The following SOX9 variants were observed in gnomAD, a reference collection of about 807,000 sequenced individuals.
SOX9 encodes the protein SRY-box transcription factor 9.
In SOX9, 2 loss-of-function variants were observed where a neutral mutation model predicts 44.8. The ratio of observed to expected loss-of-function variants is 0.04; its 90% CI spans 0.02 to 0.14. The LOEUF (loss-of-function observed/expected upper bound fraction) is 0.14, where lower values mean the gene tolerates loss of function less well. Among genes scored for constraint, SOX9 ranks in the 10% least tolerant of loss-of-function variants. SOX9 has a pLI of 1.00. For synonymous variants in SOX9, 381 were observed against 331.8 expected (o/e 1.15, Z -1.61); for missense variants, 583 against 728.6 (o/e 0.80, Z 2.30).
rs757002587 is a variant in SOX9 at position 72,122,701 on chromosome 17, C to A, written c.432-18C>A. The A allele has an allele frequency of 6.2e-7, 1 of 1,612,566 alleles. No homozygotes were observed. ...CTCTCCCTCTTTTTCTCTGTGCCCCCCGCCCCGCCCCGAGCAGACTTCTGA... is the reference window on the plus strand; with the variant it reads ...CTCTCCCTCTTTTTCTCTGTGCCCCACGCCCCGCCCCGAGCAGACTTCTGA... On this transcript the variant is annotated intron_variant, in intron 1 of 2. Coordinates refer to ENST00000245479, the MANE Select transcript of SOX9 (RefSeq NM_000346.4).
chr17:72,122,456 C>T (rs1366802232), intron 1 of SOX9, among the ~76,000 whole-genome samples: 1 of 109,444 alleles, frequency 9.1e-6, no homozygotes, highest in African/African-American at 3.6e-5. Flanking sequence ...TCATCTCCAG[C>T]GTTTCCAAAA....
Position 72,121,963 on chromosome 17 carries a change from A to T in SOX9, c.431+141A>T. On this transcript the variant is annotated intron_variant, in intron 1 of 2. Transcript: ENST00000245479. The surrounding 1 kb of genome is among the most constrained non-coding windows in gnomAD (Gnocchi z 8.3). ...CCGGCGGGATGGGGTTGGGAGTGGG[A>T]ATGGGGTGTAACTGTGGCTCAGAGT... 1.9e-6 allele frequency: 2 copies of T among 1,048,692 alleles called. No individual in the cohort carries two copies. The highest frequency in any genetic ancestry group is 3.2e-5 in the African/African-American group (2 of 62,022). 65.0% of individuals were successfully genotyped at this position (1,048,692 alleles called of 1,614,324 possible).
chr17:72,125,299 T>C lies in SOX9; in HGVS notation c.*912T>C, dbSNP rs1908249163. ...TAGTGCATTTCCTCCTGCCTTTGCT[T>C]GTTCACTGCAGTCTTAAGAAAGAGG... On this transcript the variant is annotated 3_prime_UTR_variant, in exon 3 of 3. Transcript: ENST00000245479. 1 of 228,164 alleles carries C rather than the reference T, an allele frequency of 4.4e-6. No homozygotes were observed. The highest frequency in any genetic ancestry group is 2.2e-5 in the African/African-American group (1 of 44,982). The allele number at this position is 228,164 out of a possible 1,614,324, so 14.1% of individuals were successfully genotyped here. A position where few individuals can be genotyped will look rare whatever the true frequency, so the allele number is the denominator to read the frequency against.
At position 72,125,174 on chromosome 17, in the gene SOX9, G is replaced by C; in HGVS notation, c.*787G>C. On this transcript the variant is annotated 3_prime_UTR_variant, in exon 3 of 3. Coordinates refer to ENST00000245479, the MANE Select transcript of SOX9 (RefSeq NM_000346.4). ...AATTATGGGAGTAAACAATAGTCTA[G>C]AGAAGCATTTGGTAAGCTTTATCAT... 4.4e-6 allele frequency: 1 copy of C among 227,390 alleles called. No homozygotes were observed. The highest frequency in any genetic ancestry group is 6.4e-5 in the East Asian group (1 of 15,694). 14.1% of individuals were successfully genotyped at this position (227,390 alleles called of 1,614,324 possible). A position where few individuals can be genotyped will look rare whatever the true frequency, so the allele number is the denominator to read the frequency against.
Position 72,123,655 on chromosome 17 carries a change from C to G in SOX9, c.798C>G (p.Pro266=), listed in dbSNP as rs754321581. Residue 266 remains proline, a synonymous_variant, in exon 3 of 3, where the codon CCC becomes CCG. Transcript: ENST00000245479. The surrounding 1 kb of genome is among the most constrained non-coding windows in gnomAD (Gnocchi z 6.5). ...CCTTGCCAGAGGGGGGCAGACAGCC[C>G]CCTATCGACTTCCGCGACGTGGACA... The part of the protein sequence containing the change: ...GRPLPEGGRQ[P]PIDFRDVDIG... 1.2e-6 allele frequency: 2 copies of G among 1,614,092 alleles called. No homozygotes were observed. Among genetic ancestry groups the G allele is most frequent in the Non-Finnish European group, 1.7e-6 (2 of 1,180,002 alleles).
chr17:72,122,331 T>C (rs529153935), intron 1 of SOX9, among the ~76,000 whole-genome samples: 2 of 131,760 alleles, frequency 1.5e-5, no homozygotes, highest in Non-Finnish European at 3.1e-5. Flanking sequence ...GGGGTGAGAA[T>C]TGGGGACCTT....
Position 72,124,592 on chromosome 17 carries a change from T to G in SOX9, c.*205T>G. On this transcript the variant is annotated 3_prime_UTR_variant, in exon 3 of 3. Transcript: ENST00000245479. The surrounding 1 kb of genome is among the most constrained non-coding windows in gnomAD (Gnocchi z 4.6). Reference sequence around the variant, plus strand: ...ATTTCCAAGACACAAACATGACCTATCCAAGCGCATTACCCACTTGTGGCC... The same window carrying G: ...ATTTCCAAGACACAAACATGACCTAGCCAAGCGCATTACCCACTTGTGGCC... 1.5e-6 allele frequency: 1 copy of G among 674,426 alleles called. No individual in the cohort carries two copies. The highest frequency in any genetic ancestry group is 2.6e-6 in the Non-Finnish European group (1 of 389,202). 41.8% of individuals were successfully genotyped at this position (674,426 alleles called of 1,614,324 possible).
intron 1 of SOX9, 141 bp from the exon 2 acceptor site, chr17:72,122,578 G>C: frequency 1.4e-6 from 1 of 700,146 alleles, no homozygotes. Context: ...GTGGTTGCAG[G>C]CAGGAGGGAA....
At chr17:72,122,364 G>T (rs1908123280) in intron 1 of SOX9, among the ~76,000 whole-genome samples, 1 of 140,452 alleles carries the variant, frequency 7.1e-6, no homozygotes, top group Non-Finnish European at 1.5e-5. Flanking sequence ...GTAATTTGGG[G>T]GAAAGTTTTC....
chr17:72,125,082 C>CT lies in SOX9; in HGVS notation c.*697dup, dbSNP rs1182094185. ...TGATCAGTTTTGGGGGTTAACTTTG[C>CT]TTAATTCCTCAGGCTTTGCGATTTA... On this transcript the variant is annotated 3_prime_UTR_variant, in exon 3 of 3. Coordinates refer to ENST00000245479, the MANE Select transcript of SOX9 (RefSeq NM_000346.4). The CT allele has an allele frequency of 4.4e-6, 1 of 225,196 alleles. No individual in the cohort carries two copies. The highest frequency in any genetic ancestry group is 2.2e-5 in the African/African-American group (1 of 44,840). 13.9% of individuals were successfully genotyped at this position (225,196 alleles called of 1,614,324 possible). A position where few individuals can be genotyped will look rare whatever the true frequency, so the allele number is the denominator to read the frequency against.
rs139490970 is a variant in SOX9, at chr17:72,121,667, G to T, written c.276G>T (p.Pro92=). 1,056 of 1,600,768 alleles carry T rather than the reference G, an allele frequency of 6.6e-4. 9 individuals are homozygous for T. In the African/African-American group the frequency reaches 0.012, roughly 18 times the overall value. ...KGYDWTLVPM[P]VRVNGSSKNK... Reference sequence around the variant, plus strand: ...ACGACTGGACGCTGGTGCCCATGCCGGTGCGCGTCAACGGCTCCAGCAAGA... The same window carrying T: ...ACGACTGGACGCTGGTGCCCATGCCTGTGCGCGTCAACGGCTCCAGCAAGA... The change falls in exon 1 of 3, where the codon CCG becomes CCT. Residue 92 remains proline, a synonymous_variant. Coordinates refer to ENST00000245479, the MANE Select transcript of SOX9 (RefSeq NM_000346.4). The surrounding 1 kb of genome is among the most constrained non-coding windows in gnomAD (Gnocchi z 8.3).
In SOX9 at chr17:72,124,653, A is replaced by G. The variant is rs1478461184; in HGVS notation, c.*266A>G. The G allele has an allele frequency of 7.1e-6, 4 of 567,272 alleles. No homozygotes were observed. In the East Asian group the frequency reaches 1.2e-4, roughly 17 times the overall value. 35.1% of individuals were successfully genotyped at this position (567,272 alleles called of 1,614,324 possible). On this transcript the variant is annotated 3_prime_UTR_variant, in exon 3 of 3. Coordinates refer to ENST00000245479, the MANE Select transcript of SOX9 (RefSeq NM_000346.4). This position sits in a 1 kb window ranked among gnomAD's most constrained non-coding sequence, Gnocchi z 4.6. Reference sequence around the variant, plus strand: ...CAGGCCAACCTTGGCTAAATGGAGCAGCGAAATCAACGAGAAACTGGACTT... The same window carrying G: ...CAGGCCAACCTTGGCTAAATGGAGCGGCGAAATCAACGAGAAACTGGACTT...
In SOX9 at chr17:72,121,296, G is replaced by C. The variant is rs960046713; in HGVS notation, c.-96G>C. ...CCCGGGAGCCGCTTGCTCCGCATCC[G>C]GGCAGCCGAGGGGAGAGGAGCCCGC... On this transcript the variant is annotated 5_prime_UTR_variant, in exon 1 of 3. Coordinates refer to ENST00000245479, the MANE Select transcript of SOX9 (RefSeq NM_000346.4). This position sits in a 1 kb window ranked among gnomAD's most constrained non-coding sequence, Gnocchi z 8.3. 1.1e-5 allele frequency: 13 copies of C among 1,156,860 alleles called. No homozygotes were observed. The highest frequency in any genetic ancestry group is 1.5e-5 in the African/African-American group (1 of 65,632). The allele number at this position is 1,156,860 out of a possible 1,614,324, so 71.7% of individuals were successfully genotyped here. A position where few individuals can be genotyped will look rare whatever the true frequency, so the allele number is the denominator to read the frequency against.
At position 72,123,129 on chromosome 17, in the gene SOX9, T is replaced by C. The variant is rs1908161163; in HGVS notation, c.685+157T>C. Among the ~76,000 whole-genome samples, 1 of 152,124 alleles carries C rather than the reference T, an allele frequency of 6.6e-6. No homozygotes were observed. Among genetic ancestry groups the C allele is most frequent in the South Asian group, 2.1e-4 (1 of 4,826 alleles). On this transcript the variant is annotated intron_variant, in intron 2 of 2. Coordinates refer to ENST00000245479, the MANE Select transcript of SOX9 (RefSeq NM_000346.4). This position sits in a 1 kb window ranked among gnomAD's most constrained non-coding sequence, Gnocchi z 6.5. ...CCCGCTCCCCTCTCTACCCAGAGCC[T>C]AAGAGGCATCCAAACAACACACACA...
chr17:72,121,087 C>G lies in SOX9; in HGVS notation c.-305C>G, dbSNP rs1343053150. 14 of 548,312 alleles carry G rather than the reference C, an allele frequency of 2.6e-5. No homozygotes were observed. The highest frequency in any genetic ancestry group is 4.1e-5 in the Non-Finnish European group (13 of 314,462). 34.0% of individuals were successfully genotyped at this position (548,312 alleles called of 1,614,324 possible). The stretch of plus-strand genomic sequence containing the variant: ...TGGCGCGGAGACTCGCCAGTTTCAA[C>G]CCCGGAAACTTTTCTTTGCAGGAGG... On this transcript the variant is annotated 5_prime_UTR_variant, in exon 1 of 3. Coordinates refer to ENST00000245479, the MANE Select transcript of SOX9 (RefSeq NM_000346.4). The surrounding 1 kb of genome is among the most constrained non-coding windows in gnomAD (Gnocchi z 8.3).
rs936943624 is a variant in SOX9 at position 72,123,916 on chromosome 17, G to T, written c.1059G>T (p.Pro353=). 1.5e-6 allele frequency: 2 copies of T among 1,296,672 alleles called. No individual in the cohort carries two copies. Among genetic ancestry groups the T allele is most frequent in the East Asian group, 3.1e-5 (1 of 31,914 alleles). 80.3% of individuals were successfully genotyped at this position (1,296,672 alleles called of 1,614,324 possible). A position where few individuals can be genotyped will look rare whatever the true frequency, so the allele number is the denominator to read the frequency against. The change falls in exon 3 of 3, where the codon CCG becomes CCT. Residue 353 remains proline, a synonymous_variant. Transcript: ENST00000245479. This position sits in a 1 kb window ranked among gnomAD's most constrained non-coding sequence, Gnocchi z 6.5. ...PPPPQQPPQA[P]PAPQAPPQPQ... is the part of the protein sequence containing the mutation. ...CCCCGCAGCAGCCCCCACAGGCCCC[G>T]CCGGCCCCGCAGGCGCCCCCGCAGC...
Position 72,124,511 on chromosome 17 carries a change from TTTC to T in SOX9, c.*140_*142del, listed in dbSNP as rs201601287. 1,109 of 1,217,452 alleles carry T rather than the reference TTTC, an allele frequency of 9.1e-4. 5 individuals carry two copies. The highest frequency in any genetic ancestry group is 6.0e-3 in the South Asian group (469 of 78,162). The allele number at this position is 1,217,452 out of a possible 1,614,324, so 75.4% of individuals were successfully genotyped here. A position where few individuals can be genotyped will look rare whatever the true frequency, so the allele number is the denominator to read the frequency against. ...TTTGTTTTTTTATTTTGTTTTGTTT[TTTC>T]TTCTTCTTCTTCTTCCTTAAAGACA... On this transcript the variant is annotated 3_prime_UTR_variant, in exon 3 of 3. Transcript: ENST00000245479. The surrounding 1 kb of genome is among the most constrained non-coding windows in gnomAD (Gnocchi z 4.6).
At chr17:72,122,515 GT>G (rs945214910) in intron 1 of SOX9, among the ~76,000 whole-genome samples, 4 of 151,862 alleles carry the variant, frequency 2.6e-5, no homozygotes, top group Non-Finnish European at 4.4e-5. Context: ...GACCGCTCAG[GT>G]CAGACTGCAA....
rs1302744345 is a variant in SOX9, at chr17:72,121,529, G to T, written c.138G>T (p.Thr46=). 5 of 1,608,908 alleles carry T rather than the reference G, an allele frequency of 3.1e-6. No homozygotes were observed. The East Asian group carries it at 1.1e-4, about 36-fold the overall frequency. ...PSGSGSDTEN[T]RPQENTFPKG... is the part of the protein sequence containing the mutation. ...GCTCCGGCTCGGACACCGAGAACAC[G>T]CGGCCCCAGGAGAACACGTTCCCCA... is the stretch of plus-strand genomic sequence containing the variant. Residue 46 remains threonine, a synonymous_variant, in exon 1 of 3, where the codon ACG becomes ACT. Coordinates refer to ENST00000245479, the MANE Select transcript of SOX9 (RefSeq NM_000346.4). The surrounding 1 kb of genome is among the most constrained non-coding windows in gnomAD (Gnocchi z 8.3).
Sources: gnomAD v4.1 joint callset for allele counts (sites outside exome capture counted in the v4.1 genomes callset) on GRCh38, gnomAD v4.1.1 for gene constraint, Gnocchi (gnomAD v3.1) non-coding constraint, MANE v1.5 for transcripts, NCBI Gene and HGNC (gene_info 2026-07-23, HGNC 2026-07-21) for gene names.